SEL1L: variants seen among roughly 807,000 people sequenced by gnomAD.
SEL1L encodes the protein protein sel-1 homolog 1.
In SEL1L, 52 loss-of-function variants were observed where a neutral mutation model predicts 109.8. The ratio of observed to expected loss-of-function variants is 0.47; its 90% confidence interval spans 0.38 to 0.60. The LOEUF (loss-of-function observed/expected upper bound fraction) is 0.60. SEL1L is among the 20% of genes least tolerant of loss of function. The pLI, the probability that SEL1L is intolerant of heterozygous loss-of-function variation, is 0.00. For missense variants in SEL1L, 749 were observed against 962.2 expected (o/e 0.78, Z 2.93); for synonymous variants, 373 against 339.6 (o/e 1.10, Z -1.08).
intron 3 of SEL1L, among the ~76,000 whole-genome samples, chr14:81,520,610 C>T (rs957383561): frequency 1.3e-5 from 2 of 152,026 alleles, no homozygotes; most frequent in Non-Finnish European, 2.9e-5. Flanking sequence ...TCTCACTGGC[C>T]CAAAACAGAG....
intron 1 of SEL1L, among the ~76,000 whole-genome samples, chr14:81,531,410 ATG>A (rs1885316719): frequency 1.3e-5 from 2 of 152,224 alleles, no homozygotes; most frequent in Admixed American, 1.3e-4. Flanking sequence ...GTAACCACTA[ATG>A]TTCAAACACA....
intron 4 of SEL1L, among the ~76,000 whole-genome samples, chr14:81,505,756 T>C (rs935017046): frequency 4.6e-5 from 7 of 152,242 alleles, no homozygotes; most frequent in African/African-American, 1.7e-4. Context: ...TTCTCCATAA[T>C]GGCCCAGTTT....
At chr14:81,531,698 G>A (rs1037910711) in intron 1 of SEL1L, among the ~76,000 whole-genome samples, 3 of 152,002 alleles carry the variant, frequency 2.0e-5, no homozygotes, top group African/African-American at 4.8e-5. Context: ...GGAACTACAC[G>A]TGTGCACCAT....
chr14:81,485,721 A>C lies in SEL1L; in HGVS notation c.1824T>G (p.Asn608Lys). The change falls in exon 18 of 21, where the codon AAT becomes AAG. Residue 608 changes from asparagine to lysine, a missense_variant. Physicochemically the swap from Asn to Lys is moderately conservative, Grantham distance 94 (BLOSUM62 0). Coordinates refer to ENST00000336735, the MANE Select transcript of SEL1L (RefSeq NM_005065.6). ...DQREASIVGE[N>K]ETYPRALLHW... Reference sequence around the variant, plus strand: ...GTAGCAAAGCTCTGGGATAAGTTTCATTCTCACCTACAATGCTTGCTTCTC... The same window carrying C: ...GTAGCAAAGCTCTGGGATAAGTTTCCTTCTCACCTACAATGCTTGCTTCTC... The C allele has an allele frequency of 1.2e-6, 2 of 1,614,124 alleles. No individual in the cohort carries two copies. Among genetic ancestry groups the C allele is most frequent in the South Asian group, 2.2e-5 (2 of 91,078 alleles).
chr14:81,487,783 A>C, intron 15 of SEL1L, 72 bp downstream of exon 15: 1 of 1,594,162 alleles, frequency 6.3e-7, no homozygotes, highest in Non-Finnish European at 8.5e-7. Flanking sequence ...TTTCCACATC[A>C]TAATGCCATC....
intron 11 of SEL1L, among the ~76,000 whole-genome samples, chr14:81,494,301 A>T (rs1485099489): frequency 6.6e-6 from 1 of 152,166 alleles, no homozygotes; most frequent in Non-Finnish European, 1.5e-5. Flanking sequence ...TCTTGAATCC[A>T]CTACTATCTT....
chr14:81,490,267 T>C, intron 13 of SEL1L, 121 bp downstream of exon 13: 1 of 691,946 alleles, frequency 1.4e-6, no homozygotes, highest in South Asian at 2.1e-5. Context: ...TCATACTTAA[T>C]ATGCAGTTTC....
In SEL1L at chr14:81,533,818, G is replaced by C. The variant is rs111575451; in HGVS notation, c.-74C>G. 2.4e-5 allele frequency: 33 copies of C among 1,394,088 alleles called. No homozygotes were observed. The African/African-American group carries it at 3.7e-4, about 16-fold the overall frequency. 86.4% of individuals were successfully genotyped at this position (1,394,088 alleles called of 1,614,324 possible). A position where few individuals can be genotyped will look rare whatever the true frequency, so the allele number is the denominator to read the frequency against. On this transcript the variant is annotated 5_prime_UTR_variant, in exon 1 of 21. Transcript: ENST00000336735. ...TGCCACCACGGACTCAGCCACCACC[G>C]CCGCCTCGCCGCTGCTCTTCCTGCT...
chr14:81,524,798 C>T (rs577371830), intron 3 of SEL1L, among the ~76,000 whole-genome samples: 38 of 152,104 alleles, frequency 2.5e-4, no homozygotes, highest in African/African-American at 7.7e-4. Context: ...CTCTTGAACC[C>T]GGGAGGTGGA....
chr14:81,512,560 C>T (rs959902183), intron 3 of SEL1L, among the ~76,000 whole-genome samples: 3 of 152,162 alleles, frequency 2.0e-5, no homozygotes, highest in African/African-American at 4.8e-5. Flanking sequence ...TCAGATTTGA[C>T]CACATGGAAC....
chr14:81,518,327 A>G (rs898617145), intron 3 of SEL1L, among the ~76,000 whole-genome samples: 1 of 152,096 alleles, frequency 6.6e-6, no homozygotes, highest in Non-Finnish European at 1.5e-5. Context: ...ACAGAAACTT[A>G]AGACCACGTA....
At chr14:81,482,989 A>C (rs963009694) in intron 19 of SEL1L, among the ~76,000 whole-genome samples, 22 of 152,228 alleles carry the variant, frequency 1.4e-4, no homozygotes, top group Non-Finnish European at 7.3e-5. Flanking sequence ...ATGCTTTCAC[A>C]AGTCTCTGGT....
At chr14:81,507,977 C>T (rs1884309094) in intron 3 of SEL1L, among the ~76,000 whole-genome samples, 1 of 152,180 alleles carries the variant, frequency 6.6e-6, no homozygotes, top group Non-Finnish European at 1.5e-5. Context: ...ACATCCTTAT[C>T]TCCAAATAGG....
intron 19 of SEL1L, among the ~76,000 whole-genome samples, chr14:81,483,011 T>C (rs1903408458): frequency 6.6e-6 from 1 of 152,224 alleles, no homozygotes; most frequent in African/African-American, 2.4e-5. Flanking sequence ...TCCAATTCTT[T>C]GCTTTCAACA....
chr14:81,478,157 T>A (rs946340532), intron 20 of SEL1L, among the ~76,000 whole-genome samples: 1 of 152,212 alleles, frequency 6.6e-6, no homozygotes, highest in Non-Finnish European at 1.5e-5. Flanking sequence ...ACATGGGGTA[T>A]AATTTTATAT....
intron 20 of SEL1L, among the ~76,000 whole-genome samples, chr14:81,478,478 C>G (rs932580912): frequency 3.3e-5 from 5 of 151,848 alleles, no homozygotes; most frequent in African/African-American, 1.2e-4. Context: ...AAGATGAAGT[C>G]CTAGACTATA....
At chr14:81,508,274 G>A (rs962225940) in intron 3 of SEL1L, among the ~76,000 whole-genome samples, 2 of 152,144 alleles carry the variant, frequency 1.3e-5, no homozygotes, top group Non-Finnish European at 1.5e-5. Context: ...GGTAATAAGA[G>A]GCAAATAACT....
chr14:81,495,894 C>T (rs988443211), intron 10 of SEL1L, among the ~76,000 whole-genome samples: 12 of 152,122 alleles, frequency 7.9e-5, no homozygotes, highest in Non-Finnish European at 1.6e-4. Context: ...CGAGATCGTG[C>T]CACTGCACTC....
At chr14:81,486,481 C>T in intron 16 of SEL1L, 27 bp from the exon 17 acceptor site, 1 of 1,607,198 alleles carries the variant, frequency 6.2e-7, no homozygotes, top group Non-Finnish European at 8.5e-7. Flanking sequence ...AAAAAAATAT[C>T]AGTAGAAGAA....
Sources: allele counts gnomAD v4.1 joint callset (sites outside exome capture counted in the v4.1 genomes callset), GRCh38; gene constraint gnomAD v4.1.1; transcripts MANE v1.5; gene names NCBI Gene and HGNC (gene_info 2026-07-23, HGNC 2026-07-21).